The following TRIM33 variants were observed in gnomAD, a reference collection of about 807,000 sequenced individuals.
TRIM33 encodes tripartite motif containing 33.
Under a neutral mutation model 125.4 loss-of-function variants are expected in TRIM33, and 20 were observed. The ratio of observed to expected loss-of-function variants is 0.16; its 90% CI spans 0.11 to 0.23. The LOEUF is 0.23. Ranked by LOEUF, TRIM33 falls within the 10% of genes least tolerant of loss-of-function variation. The pLI, the probability that TRIM33 is intolerant of heterozygous loss-of-function variation, is 1.00. For synonymous variants in TRIM33, 564 were observed against 513.9 expected (o/e 1.10, Z -1.32); for missense variants, 920 against 1,411.4 (o/e 0.65, Z 5.58).
chr1:114,490,041 A>G (rs1486086853), intron 1 of TRIM33, among the ~76,000 whole-genome samples: 1 of 145,888 alleles, frequency 6.9e-6, no homozygotes, highest in Non-Finnish European at 1.5e-5. Context: ...GTTAGGGCCC[A>G]GAAGTTCAAG....
chr1:114,433,214 T>G (rs1648078225), intron 5 of TRIM33, among the ~76,000 whole-genome samples: 1 of 152,234 alleles, frequency 6.6e-6, no homozygotes, highest in South Asian at 2.1e-4. Flanking sequence ...CTTATAATGC[T>G]ACTCATTAAG....
chr1:114,424,570 C>A, intron 10 of TRIM33, 21 bp downstream of exon 10: 1 of 1,505,166 alleles, frequency 6.6e-7, no homozygotes, highest in Non-Finnish European at 8.9e-7. Flanking sequence ...AGGATTCTTA[C>A]AAATGTAACT....
At chr1:114,457,937 C>T (rs958160937) in intron 4 of TRIM33, among the ~76,000 whole-genome samples, 1 of 152,198 alleles carries the variant, frequency 6.6e-6, no homozygotes, top group South Asian at 2.1e-4. Flanking sequence ...TGAAGAAAGA[C>T]ACTGGTAAAA....
In TRIM33 at chr1:114,393,131, A is replaced by G. The variant is rs1651368000; in HGVS notation, c.*4517T>C. ...AATAATAGTACTAGTAGTAATAATA[A>G]TAATGAGGGGAGGAGACCAATTGAA... On this transcript the variant is annotated 3_prime_UTR_variant, in exon 20 of 20. Transcript: ENST00000358465. The G allele has an allele frequency of 9.5e-6, 2 of 211,636 alleles. No homozygotes were observed. The highest frequency in any genetic ancestry group is 3.7e-4 in the South Asian group (2 of 5,358). 13.1% of individuals were successfully genotyped at this position (211,636 alleles called of 1,614,324 possible). A position where few individuals can be genotyped will look rare whatever the true frequency, so the allele number is the denominator to read the frequency against.
At chr1:114,405,325 G>C in intron 15 of TRIM33, 85 bp downstream of exon 15, 2 of 1,028,042 alleles carry the variant, frequency 1.9e-6, no homozygotes, top group South Asian at 3.1e-5. Flanking sequence ...GCACTGGTTA[G>C]AAGGCCATCT....
chr1:114,430,769 T>G, intron 6 of TRIM33, 29 bp downstream of exon 6: 1 of 1,203,658 alleles, frequency 8.3e-7, no homozygotes, highest in South Asian at 1.2e-5. Flanking sequence ...GAGAAGCAGT[T>G]TTTGTTTTAT....
intron 2 of TRIM33, among the ~76,000 whole-genome samples, 196 bp downstream of exon 2, chr1:114,464,074 T>A (rs1442950492): frequency 6.6e-6 from 1 of 152,188 alleles, no homozygotes; most frequent in Non-Finnish European, 1.5e-5. Context: ...TGGCCCAAAT[T>A]TGACATTTTA....
In TRIM33 at chr1:114,408,666, A is replaced by G; in HGVS notation, c.2258+11T>C. 1 of 1,565,658 alleles carries G rather than the reference A, an allele frequency of 6.4e-7. No individual in the cohort carries two copies. Among genetic ancestry groups the G allele is most frequent in the Non-Finnish European group, 8.7e-7 (1 of 1,148,122 alleles). On this transcript the variant is annotated intron_variant, in intron 13 of 19. Coordinates refer to ENST00000358465, the MANE Select transcript of TRIM33 (RefSeq NM_015906.4). ...AACAAAAAGGAAAAAAATAATTATCAATATACTCACCTGCCTCGACTGCCA... is the reference window on the plus strand; with the variant it reads ...AACAAAAAGGAAAAAAATAATTATCGATATACTCACCTGCCTCGACTGCCA...
At chr1:114,507,697 G>A (rs1653080950) in intron 1 of TRIM33, among the ~76,000 whole-genome samples, 1 of 152,218 alleles carries the variant, frequency 6.6e-6, no homozygotes, top group Non-Finnish European at 1.5e-5. Context: ...AATAGCTAAA[G>A]AGCTGAACTA....
chr1:114,455,060 A>G (rs1649542965), intron 4 of TRIM33, among the ~76,000 whole-genome samples: 1 of 152,150 alleles, frequency 6.6e-6, no homozygotes, highest in African/African-American at 2.4e-5. Flanking sequence ...TTGGTTTTTA[A>G]TGCTGTAGAA....
intron 1 of TRIM33, among the ~76,000 whole-genome samples, chr1:114,503,086 A>C (rs1258003804): frequency 6.6e-6 from 1 of 152,220 alleles, no homozygotes; most frequent in African/African-American, 2.4e-5. Context: ...TTTTTCTTTG[A>C]TATAACACAA....
chr1:114,419,642 T>C (rs1176361180), intron 11 of TRIM33, among the ~76,000 whole-genome samples: 4 of 152,196 alleles, frequency 2.6e-5, no homozygotes, highest in African/African-American at 9.7e-5. Flanking sequence ...CTTCTCCTAG[T>C]ATTAGGGAAG....
rs899217064 is a variant in TRIM33 at position 114,393,222 on chromosome 1, A to T, written c.*4426T>A. 3 of 212,166 alleles carry T rather than the reference A, an allele frequency of 1.4e-5. No individual in the cohort carries two copies. The highest frequency in any genetic ancestry group is 5.9e-5 in the Admixed American group (1 of 17,044). 13.1% of individuals were successfully genotyped at this position (212,166 alleles called of 1,614,324 possible). A position where few individuals can be genotyped will look rare whatever the true frequency, so the allele number is the denominator to read the frequency against. On this transcript the variant is annotated 3_prime_UTR_variant, in exon 20 of 20. Transcript: ENST00000358465. ...CTTTCGTGTGTAGGTATGTCTACAT[A>T]AAAAATTAACAGGCTTTCAAATTGC...
chr1:114,453,451 T>G (rs1333720744), intron 4 of TRIM33, among the ~76,000 whole-genome samples: 10 of 152,112 alleles, frequency 6.6e-5, no homozygotes. Flanking sequence ...AAACCGCATG[T>G]ACAAAGTTGG....
Position 114,407,094 on chromosome 1 carries a change from C to T in TRIM33, c.2265G>A (p.Gly755=). The T allele has an allele frequency of 3.1e-6, 5 of 1,611,492 alleles. No homozygotes were observed. The highest frequency in any genetic ancestry group is 4.2e-6 in the Non-Finnish European group (5 of 1,179,016). ...TCTTCTCAGCAGTTCTTCCTGATGA[C>T]CCACAGCTAATAAGAAACAACAAAT... ...TSSTGSRGSC[G]SSGRTAEKTS... is the part of the protein sequence containing the mutation. The change falls in exon 14 of 20, where the codon GGG becomes GGA. Residue 755 remains glycine (G), a synonymous_variant. Coordinates refer to ENST00000358465, the MANE Select transcript of TRIM33 (RefSeq NM_015906.4).
At chr1:114,400,105 A>G (rs1460450401) in intron 17 of TRIM33, among the ~76,000 whole-genome samples, 2 of 152,222 alleles carry the variant, frequency 1.3e-5, no homozygotes, top group Non-Finnish European at 2.9e-5. Flanking sequence ...TTTATTAACC[A>G]TTTAGTGTTC....
chr1:114,412,230 C>G (rs186677975), intron 11 of TRIM33, among the ~76,000 whole-genome samples: 1 of 152,178 alleles, frequency 6.6e-6, no homozygotes. Flanking sequence ...TTGCCAATAC[C>G]TATGTGAAAT....
chr1:114,481,246 A>C (rs1651313828), intron 1 of TRIM33, among the ~76,000 whole-genome samples: 1 of 152,220 alleles, frequency 6.6e-6, no homozygotes, highest in Non-Finnish European at 1.5e-5. Flanking sequence ...ATGTTAAAGA[A>C]TCAATACATC....
chr1:114,427,549 T>A (rs1018265378), intron 7 of TRIM33, among the ~76,000 whole-genome samples, 199 bp downstream of exon 7: 18 of 152,124 alleles, frequency 1.2e-4, no homozygotes, highest in Non-Finnish European at 2.4e-4. Flanking sequence ...TATGAAATTC[T>A]AAAAAATGAC....
Sources: allele counts gnomAD v4.1 joint callset (sites outside exome capture counted in the v4.1 genomes callset), GRCh38; gene constraint gnomAD v4.1.1; transcripts MANE v1.5; gene names NCBI Gene and HGNC (gene_info 2026-07-23, HGNC 2026-07-21).